EMCN: variants seen among roughly 807,000 people sequenced by gnomAD.
EMCN encodes endomucin.
EMCN carries 37 observed loss-of-function variants against 38.4 expected under a neutral mutation model. The observed-to-expected ratio is 0.96, with a 90% CI of 0.74 to 1.27. The LOEUF is 1.27. EMCN is among the 50% of genes most tolerant of loss of function. The probability of loss-of-function intolerance (pLI) is 0.00; values close to 1 mark genes in which losing one functional copy is unlikely to be tolerated. For missense variants in EMCN, 318 were observed against 302.8 expected (o/e 1.05, Z -0.37); for synonymous variants, 95 against 100.8 (o/e 0.94, Z 0.35).
intron 8 of EMCN, 26 bp from the exon 9 acceptor site, chr4:100,417,167 G>A (rs1392231228): frequency 6.2e-7 from 1 of 1,613,222 alleles, no homozygotes; most frequent in Non-Finnish European, 8.5e-7. Flanking sequence ...GTTGTTATTA[G>A]AGTTGCAAAG....
intron 1 of EMCN, among the ~76,000 whole-genome samples, chr4:100,506,351 A>T (rs991832248): frequency 1.3e-5 from 2 of 152,136 alleles, no homozygotes; most frequent in Non-Finnish European, 2.9e-5. Flanking sequence ...CAGCTTTGCA[A>T]ATCGTATGCC....
intron 3 of EMCN, among the ~76,000 whole-genome samples, chr4:100,470,601 T>A (rs1728450107): frequency 6.6e-6 from 1 of 151,992 alleles, no homozygotes; most frequent in Non-Finnish European, 1.5e-5. Context: ...GTTGCAGCAC[T>A]ATTCAGAAGA....
intron 4 of EMCN, among the ~76,000 whole-genome samples, chr4:100,449,588 G>A (rs1365917031): frequency 2.6e-5 from 4 of 152,004 alleles, no homozygotes; most frequent in Non-Finnish European, 5.9e-5. Context: ...AGAATACAAG[G>A]AAATCAAAAT....
intron 3 of EMCN, 26 bp from the exon 4 acceptor site, chr4:100,465,565 G>A (rs748892058): frequency 1.6e-6 from 2 of 1,270,242 alleles, no homozygotes; most frequent in Non-Finnish European, 2.2e-6. Flanking sequence ...ACAGTCATCA[G>A]GAGTATAACA....
chr4:100,423,275 T>C (rs780118497), intron 6 of EMCN, 37 bp downstream of exon 6: 2 of 1,506,048 alleles, frequency 1.3e-6, no homozygotes, highest in Admixed American at 3.4e-5. Context: ...AAGGGTCAGG[T>C]AGAGCAGATT....
intron 11 of EMCN, among the ~76,000 whole-genome samples, chr4:100,405,250 G>A (rs1196596680): frequency 2.6e-5 from 4 of 152,018 alleles, no homozygotes; most frequent in African/African-American, 9.7e-5. Flanking sequence ...CCAATACCAT[G>A]TGAATATGAG....
intron 8 of EMCN, among the ~76,000 whole-genome samples, chr4:100,417,789 T>C (rs1726777400): frequency 1.3e-5 from 2 of 152,180 alleles, no homozygotes; most frequent in Admixed American, 1.3e-4. Flanking sequence ...CACAAGGACA[T>C]GGCCTCTCTG....
At chr4:100,495,110 G>T (rs1262464137) in intron 1 of EMCN, among the ~76,000 whole-genome samples, 1 of 152,020 alleles carries the variant, frequency 6.6e-6, no homozygotes, top group Non-Finnish European at 1.5e-5. Context: ...TACCACATGG[G>T]ATTTGCAGAA....
chr4:100,475,675 T>G (rs996000500), intron 2 of EMCN, among the ~76,000 whole-genome samples: 11 of 122,648 alleles, frequency 9.0e-5, no homozygotes, highest in Non-Finnish European at 1.5e-4. Flanking sequence ...TTTTTTTTTT[T>G]TTTTTTTTTT....
intron 1 of EMCN, among the ~76,000 whole-genome samples, chr4:100,501,085 A>C (rs1729338926): frequency 6.6e-6 from 1 of 152,026 alleles, no homozygotes; most frequent in African/African-American, 2.4e-5. Flanking sequence ...AATGAAATGT[A>C]TGTCTTTTCT....
chr4:100,492,633 A>G (rs752782061), intron 1 of EMCN, among the ~76,000 whole-genome samples: 4 of 152,210 alleles, frequency 2.6e-5, no homozygotes, highest in Non-Finnish European at 5.9e-5. Flanking sequence ...AACATTAAAG[A>G]TGAATAAAAA....
intron 1 of EMCN, among the ~76,000 whole-genome samples, chr4:100,481,014 T>C (rs1448962623): frequency 1.3e-5 from 2 of 152,082 alleles, no homozygotes; most frequent in Non-Finnish European, 2.9e-5. Flanking sequence ...TCTCTGGAAA[T>C]ACAGTTTTAT....
intron 1 of EMCN, among the ~76,000 whole-genome samples, chr4:100,487,213 G>A (rs1214812558): frequency 1.3e-5 from 2 of 152,268 alleles, no homozygotes; most frequent in South Asian, 4.1e-4. Context: ...ACCTTCCAAC[G>A]AAGTAAGATG....
chr4:100,421,081 A>G (rs551743386), intron 8 of EMCN, among the ~76,000 whole-genome samples: 1 of 152,050 alleles, frequency 6.6e-6, no homozygotes, highest in South Asian at 2.1e-4. Flanking sequence ...GATAATATCT[A>G]CTCATAGTAT....
At chr4:100,415,054 C>T (rs943926011) in intron 10 of EMCN, among the ~76,000 whole-genome samples, 12 of 152,124 alleles carry the variant, frequency 7.9e-5, no homozygotes, top group East Asian at 7.7e-4. Context: ...CGCCACCATG[C>T]CCAGCTAATT....
At chr4:100,439,037 T>C (rs1727432437) in intron 5 of EMCN, among the ~76,000 whole-genome samples, 1 of 152,098 alleles carries the variant, frequency 6.6e-6, no homozygotes, top group Non-Finnish European at 1.5e-5. Flanking sequence ...GATTTTTGCA[T>C]CTGCATTCGT....
In EMCN at chr4:100,416,013, T is replaced by A. The variant is rs1174495774; in HGVS notation, c.690-54A>T. On this transcript the variant is annotated intron_variant, in intron 9 of 11. Coordinates refer to ENST00000296420, the MANE Select transcript of EMCN (RefSeq NM_016242.4). The stretch of plus-strand genomic sequence containing the variant: ...CACCACAGTAATCAGCATTGTATGT[T>A]TGTGAAAGTATTGTGACACAAACAG... The A allele has an allele frequency of 1.8e-5, 21 of 1,184,012 alleles. No individual in the cohort carries two copies. The South Asian group carries it at 2.6e-4, about 15-fold the overall frequency. 73.3% of individuals were successfully genotyped at this position (1,184,012 alleles called of 1,614,324 possible).
At chr4:100,430,192 G>T (rs983128710) in intron 5 of EMCN, among the ~76,000 whole-genome samples, 1 of 152,038 alleles carries the variant, frequency 6.6e-6, no homozygotes, top group Non-Finnish European at 1.5e-5. Context: ...TGTATTATTA[G>T]TATTTGCATT....
At chr4:100,416,310 ATG>A (rs1726732953) in intron 9 of EMCN, among the ~76,000 whole-genome samples, 1 of 152,166 alleles carries the variant, frequency 6.6e-6, no homozygotes, top group Non-Finnish European at 1.5e-5. Flanking sequence ...CATATCGCAC[ATG>A]TCTCCAATTC....
Sources: gnomAD v4.1 joint callset for allele counts (sites outside exome capture counted in the v4.1 genomes callset) on GRCh38, gnomAD v4.1.1 for gene constraint, MANE v1.5 for transcripts, NCBI Gene and HGNC (gene_info 2026-07-23, HGNC 2026-07-21) for gene names.